Variants in PTK2B observed in about 807,000 individuals in gnomAD.
The protein encoded by PTK2B is protein tyrosine kinase 2 beta, also known as protein-tyrosine kinase 2-beta.
PTK2B carries 71 observed loss-of-function variants against 142.9 expected under a neutral mutation model. The ratio of observed to expected loss-of-function variants is 0.50; its 90% confidence interval spans 0.41 to 0.61. The LOEUF (loss-of-function observed/expected upper bound fraction) is 0.61. Among genes scored for constraint, PTK2B ranks in the 20% least tolerant of loss-of-function variants. The pLI is 0.00. For missense variants in PTK2B, 1,105 were observed against 1,320.4 expected, an observed-to-expected ratio of 0.84 and a Z score of 2.53; for synonymous variants, 519 against 503.4, an observed-to-expected ratio of 1.03 and a Z score of -0.42.
At chr8:27,326,774 A>AAGT (rs1196371183) in intron 1 of PTK2B, 4 of 152,548 alleles carry the variant, frequency 2.6e-5, no homozygotes, top group African/African-American at 9.6e-5. Context: ...GGGAGGAAGG[A>AAGT]AGTAGTCACA....
intron 1 of PTK2B, among the ~76,000 whole-genome samples, chr8:27,329,807 G>T (rs1803633285): frequency 6.6e-6 from 1 of 152,126 alleles, no homozygotes; most frequent in Non-Finnish European, 1.5e-5. Flanking sequence ...CTGGGTTCCA[G>T]CCCAGGTTTG....
At chr8:27,337,555 C>G (rs1385431407) in intron 1 of PTK2B, among the ~76,000 whole-genome samples, 1 of 152,234 alleles carries the variant, frequency 6.6e-6, no homozygotes, top group African/African-American at 2.4e-5. Context: ...AATCTACTTT[C>G]TATTTTTATG....
At chr8:27,347,308 A>G (rs1326216668) in intron 1 of PTK2B, among the ~76,000 whole-genome samples, 3 of 150,386 alleles carry the variant, frequency 2.0e-5, no homozygotes, top group Admixed American at 6.6e-5. Flanking sequence ...TGAATCCAGG[A>G]GGCAGAGGTT....
intron 24 of PTK2B, among the ~76,000 whole-genome samples, chr8:27,448,539 G>A (rs945369387): frequency 3.9e-5 from 6 of 152,306 alleles, no homozygotes; most frequent in East Asian, 3.9e-4. Flanking sequence ...TATGTGGTAC[G>A]ATCAGGCCTG....
At chr8:27,352,333 C>G (rs1196728008) in intron 1 of PTK2B, among the ~76,000 whole-genome samples, 7 of 152,176 alleles carry the variant, frequency 4.6e-5, no homozygotes, top group Non-Finnish European at 7.3e-5. Context: ...AGGCATGACG[C>G]ATGGAAGGCC....
intron 1 of PTK2B, among the ~76,000 whole-genome samples, chr8:27,362,812 C>A (rs1452475159): frequency 6.6e-6 from 1 of 151,086 alleles, no homozygotes; most frequent in African/African-American, 2.4e-5. Flanking sequence ...AGAACTTCTC[C>A]CACACGAAAT....
At chr8:27,371,926 C>A (rs1043434742) in intron 1 of PTK2B, among the ~76,000 whole-genome samples, 2 of 152,194 alleles carry the variant, frequency 1.3e-5, no homozygotes, top group African/African-American at 4.8e-5. Flanking sequence ...TGCCAGGCAC[C>A]GATCCAGGCA....
intron 1 of PTK2B, among the ~76,000 whole-genome samples, chr8:27,353,735 G>A (rs1319343839): frequency 1.3e-5 from 2 of 152,174 alleles, no homozygotes; most frequent in African/African-American, 4.8e-5. Context: ...TAATAGCCTG[G>A]AGTGCCAACT....
At chr8:27,340,088 C>A (rs1315959245) in intron 1 of PTK2B, among the ~76,000 whole-genome samples, 1 of 152,242 alleles carries the variant, frequency 6.6e-6, no homozygotes, top group African/African-American at 2.4e-5. Context: ...CATGGTGAAT[C>A]TAAAGCCCAG....
At chr8:27,344,111 C>T (rs1215041499) in intron 1 of PTK2B, among the ~76,000 whole-genome samples, 1 of 152,034 alleles carries the variant, frequency 6.6e-6, no homozygotes, top group African/African-American at 2.4e-5. Flanking sequence ...TCAGTTCCTG[C>T]CTATATTTTA....
intron 1 of PTK2B, among the ~76,000 whole-genome samples, chr8:27,334,004 T>C (rs1006162216): frequency 4.6e-5 from 7 of 152,008 alleles, no homozygotes; most frequent in Admixed American, 2.0e-4. Flanking sequence ...CTTCATGGGG[T>C]TGTTCATCTC....
chr8:27,443,714 A>C (rs753200976), intron 22 of PTK2B, among the ~76,000 whole-genome samples: 2 of 152,164 alleles, frequency 1.3e-5, no homozygotes, highest in African/African-American at 4.8e-5. Flanking sequence ...TCAACATGCA[A>C]ATTGAAAAGG....
At chr8:27,455,032 CAA>C (rs1001297558) in intron 30 of PTK2B, among the ~76,000 whole-genome samples, 2 of 152,090 alleles carry the variant, frequency 1.3e-5, no homozygotes, top group Admixed American at 1.3e-4. Flanking sequence ...AAAATCAAAA[CAA>C]GAGTCTTGGT....
chr8:27,422,289 C>A lies in PTK2B; in HGVS notation c.472-15C>A. ...TGAGGGTGCAAGCCTGATGCTTGACCTTTCTCCCCACCAGCTCCGGAACGA... is the reference window on the plus strand; with the variant it reads ...TGAGGGTGCAAGCCTGATGCTTGACATTTCTCCCCACCAGCTCCGGAACGA... On this transcript the variant is annotated splice_polypyrimidine_tract_variant and intron_variant, in intron 4 of 30. Coordinates refer to ENST00000346049, the MANE Select transcript of PTK2B (RefSeq NM_173176.3). 1 of 1,611,558 alleles carries A rather than the reference C, an allele frequency of 6.2e-7. No homozygotes were observed. The highest frequency in any genetic ancestry group is 8.5e-7 in the Non-Finnish European group (1 of 1,178,526).
At chr8:27,438,168 C>T (rs183144111) in intron 18 of PTK2B, among the ~76,000 whole-genome samples, 13 of 152,298 alleles carry the variant, frequency 8.5e-5, no homozygotes, top group Admixed American at 7.2e-4. Context: ...GCCAGGAAAT[C>T]GCCCCCAACC....
intron 1 of PTK2B, among the ~76,000 whole-genome samples, chr8:27,334,187 T>C (rs565835722): frequency 6.6e-6 from 1 of 152,298 alleles, no homozygotes; most frequent in Admixed American, 6.5e-5. Flanking sequence ...TTACCTAATA[T>C]TGCTTCATAT....
intron 17 of PTK2B, 121 bp downstream of exon 17, chr8:27,437,617 TG>T (rs1810868516): frequency 8.3e-7 from 1 of 1,206,322 alleles, no homozygotes; most frequent in African/African-American, 1.5e-5. Flanking sequence ...AGGCCCTGTT[TG>T]TCAAGGAAAT....
chr8:27,311,200 G>A, upstream of PTK2B: 5 of 1,595,346 alleles, frequency 3.1e-6, no homozygotes, highest in Non-Finnish European at 3.4e-6. Context: ...TGAAGGAGCG[G>A]GAAGGCCCGG....
intron 2 of PTK2B, among the ~76,000 whole-genome samples, chr8:27,400,594 GA>G (rs1434772333): frequency 6.6e-6 from 1 of 152,168 alleles, no homozygotes; most frequent in Non-Finnish European, 1.5e-5. Context: ...TAAGGAGACA[GA>G]GTCAATAGAA....
Sources: allele counts gnomAD v4.1 joint callset (sites outside exome capture counted in the v4.1 genomes callset), GRCh38; gene constraint gnomAD v4.1.1; transcripts MANE v1.5; gene names NCBI Gene and HGNC (gene_info 2026-07-23, HGNC 2026-07-21).